The following PDE4DIP variants were observed in gnomAD, a reference collection of about 807,000 sequenced individuals.
The protein encoded by PDE4DIP is phosphodiesterase 4D interacting protein, also known as myomegalin.
PDE4DIP carries 59 observed loss-of-function variants against 221.4 expected under a neutral mutation model. The observed-to-expected ratio is 0.27, with a 90% CI of 0.22 to 0.33. The LOEUF (loss-of-function observed/expected upper bound fraction) is 0.33. Ranked by LOEUF, PDE4DIP falls within the 10% of genes least tolerant of loss-of-function variation. The pLI is 1.00. For synonymous variants in PDE4DIP, 404 were observed against 815.9 expected (o/e 0.50, Z 8.60); for missense variants, 1,036 against 2,154.2 (o/e 0.48, Z 10.28).
At chr1:148,953,001 T>G (rs782108262) in intron 5 of PDE4DIP, 1 of 1,613,810 alleles carries the variant, frequency 6.2e-7, no homozygotes. Context: ...ATTGAAGCGC[T>G]TTCTATTGAG....
exon 44 of PDE4DIP, chr1:149,032,064 C>A (rs113954821): frequency 6.2e-7 from 1 of 1,609,898 alleles, no homozygotes. Flanking sequence ...GCCTGTCCCC[C>A]TTTTGTGCAG....
At chr1:148,952,427 G>A (rs1404113109) in intron 5 of PDE4DIP, 10 of 1,086,066 alleles carry the variant, frequency 9.2e-6, no homozygotes, top group Non-Finnish European at 1.1e-5. Flanking sequence ...GCTGCTCCGG[G>A]AGCCCAGTCT....
Position 148,994,639 on chromosome 1 carries a change from T to C in PDE4DIP, c.2904+2666T>C, listed in dbSNP as rs2063785049. On this transcript the variant is annotated intron_variant, in intron 22 of 43. Coordinates refer to ENST00000369354, the Ensembl canonical transcript of PDE4DIP. ...ATGATTAAACCAAGCTAATTACATA[T>C]TCATAAACTTACCTACCTACCATTT... Among the ~76,000 whole-genome samples, 6 of 152,332 alleles carry C rather than the reference T, an allele frequency of 3.9e-5. No individual in the cohort carries two copies. In the South Asian group the frequency reaches 1.2e-3, roughly 32 times the overall value.
exon 44 of PDE4DIP, chr1:149,032,905 A>G (rs587667564): frequency 9.7e-6 from 2 of 205,998 alleles, no homozygotes; most frequent in African/African-American, 2.3e-5. Flanking sequence ...TGCTAACGCC[A>G]TATATTGAAG....
chr1:148,940,540 A>C (rs1410906746), intron 5 of PDE4DIP, among the ~76,000 whole-genome samples: 1 of 151,148 alleles, frequency 6.6e-6, no homozygotes, highest in Non-Finnish European at 1.5e-5. Flanking sequence ...ATAAGTGCCC[A>C]TGGCTGCTCA....
chr1:149,024,032 A>G (rs1553623726), intron 37 of PDE4DIP, among the ~76,000 whole-genome samples: 1 of 150,728 alleles, frequency 6.6e-6, no homozygotes, highest in African/African-American at 2.4e-5. Flanking sequence ...CTACCAAAAG[A>G]CCTCCTCCTT....
At chr1:148,905,293 C>T (rs1472954858) in intron 1 of PDE4DIP, among the ~76,000 whole-genome samples, 8 of 108,476 alleles carry the variant, frequency 7.4e-5, no homozygotes, top group African/African-American at 3.1e-4. Context: ...ATGCCATTCT[C>T]CTGCCTCAGC....
intron 21 of PDE4DIP, chr1:148,990,249 C>T: frequency 2.0e-6 from 2 of 983,948 alleles, no homozygotes; most frequent in Non-Finnish European, 2.4e-6. Flanking sequence ...GGCTGAGCAA[C>T]CCTTAAAGCT....
intron 43 of PDE4DIP, 114 bp from the exon 47 acceptor site, chr1:149,031,830 C>A (rs1309215622): frequency 6.0e-5 from 56 of 928,622 alleles, no homozygotes; most frequent in Non-Finnish European, 8.6e-5. Flanking sequence ...TCTTAACTGG[C>A]TCTCACCGTG....
intron 9 of PDE4DIP, among the ~76,000 whole-genome samples, chr1:148,963,961 T>C (rs1553515353): frequency 6.6e-6 from 1 of 151,456 alleles, no homozygotes; most frequent in East Asian, 1.9e-4. Context: ...GGTTTCATCG[T>C]GTTAGCCAGG....
At chr1:149,029,880 G>A (rs377325794) in exon 42 of PDE4DIP, 45 of 1,599,174 alleles carry the variant, frequency 2.8e-5, no homozygotes, top group South Asian at 1.1e-4. Flanking sequence ...TCTGAAGAAC[G>A]CCAACCAGCA....
intron 21 of PDE4DIP, chr1:148,984,448 A>G (rs1412663532): frequency 6.6e-6 from 1 of 152,090 alleles, no homozygotes; most frequent in African/African-American, 2.4e-5. Context: ...TCATCATAAG[A>G]ATTAGTTTCC....
chr1:149,028,142 G>C (rs1185868691), intron 40 of PDE4DIP, among the ~76,000 whole-genome samples: 2 of 151,820 alleles, frequency 1.3e-5, no homozygotes, highest in Non-Finnish European at 2.9e-5. Context: ...AGCTGCTGGA[G>C]ACCCATGGAT....
At chr1:148,883,020 T>TA (rs1411092473) in intron 3 of PDE4DIP, among the ~76,000 whole-genome samples, 1 of 137,532 alleles carries the variant, frequency 7.3e-6, no homozygotes, top group Non-Finnish European at 1.6e-5. Context: ...CCATTACAGA[T>TA]ACAGTTGCAA....
chr1:149,031,682 G>A (rs3863687), intron 43 of PDE4DIP, among the ~76,000 whole-genome samples: 19 of 140,042 alleles, frequency 1.4e-4, no homozygotes, highest in South Asian at 2.6e-4. Context: ...GCCCCTGAAG[G>A]GGGAGTGGTA....
At chr1:148,821,382 G>A (rs1320428757) in intron 1 of PDE4DIP, among the ~76,000 whole-genome samples, 1 of 150,010 alleles carries the variant, frequency 6.7e-6, no homozygotes, top group Non-Finnish European at 1.5e-5. Flanking sequence ...GGAATGGCAG[G>A]CACAATACTA....
chr1:149,007,206 A>G, exon 28 of PDE4DIP: 1 of 720,632 alleles, frequency 1.4e-6, no homozygotes, highest in South Asian at 1.6e-5. Flanking sequence ...ATTAGGAAAT[A>G]TGATTCCCTG....
In PDE4DIP at chr1:148,941,477, C is replaced by T. The variant is rs1397012127; in HGVS notation, c.636+3613C>T. On this transcript the variant is annotated intron_variant, in intron 5 of 43. Coordinates refer to ENST00000369354, the Ensembl canonical transcript of PDE4DIP. ...TTGTAGGCACCAGAAAAAAAAAAAG[C>T]AAGGGGAATAAAAGCATATGATTTG... Among the ~76,000 whole-genome samples the T allele has an allele frequency of 1.5e-5, 2 of 137,912 alleles. 1 individual carries two copies. The highest frequency in any genetic ancestry group is 3.1e-5 in the Non-Finnish European group (2 of 64,216). The allele number at this position is 137,912 out of a possible 152,430, so 90.5% of individuals were successfully genotyped here. A position where few individuals can be genotyped will look rare whatever the true frequency, so the allele number is the denominator to read the frequency against.
intron 23 of PDE4DIP, among the ~76,000 whole-genome samples, chr1:149,000,228 C>T (rs1308776011): frequency 6.6e-6 from 1 of 152,180 alleles, no homozygotes; most frequent in Non-Finnish European, 1.5e-5. Flanking sequence ...TGTGCATCCT[C>T]TAGCTCAGGG....
Sources: allele counts gnomAD v4.1 joint callset (sites outside exome capture counted in the v4.1 genomes callset), GRCh38; gene constraint gnomAD v4.1.1; transcripts MANE v1.5; gene names NCBI Gene and HGNC (gene_info 2026-07-23, HGNC 2026-07-21).